SLC44A5: variants seen among roughly 807,000 people sequenced by gnomAD.
The protein encoded by SLC44A5 is choline transporter-like protein 5.
Under a neutral mutation model 101.8 loss-of-function variants are expected in SLC44A5, and 57 were observed. The ratio of observed to expected loss-of-function variants is 0.56; its 90% CI spans 0.45 to 0.70. SLC44A5 has a LOEUF of 0.70. Ranked by LOEUF, SLC44A5 falls within the 30% of genes least tolerant of loss-of-function variation. The pLI, the probability that SLC44A5 is intolerant of heterozygous loss-of-function variation, is 0.00. For synonymous variants in SLC44A5, 281 were observed against 290.9 expected (o/e 0.97, Z 0.35); for missense variants, 737 against 853.1 (o/e 0.86, Z 1.70).
chr1:75,574,202 C>G (rs998252661), intron 1 of SLC44A5, among the ~76,000 whole-genome samples: 1 of 152,160 alleles, frequency 6.6e-6, no homozygotes, highest in African/African-American at 2.4e-5. Flanking sequence ...TAAGCCTTCA[C>G]TCATTTTCTG....
intron 1 of SLC44A5, among the ~76,000 whole-genome samples, chr1:75,562,335 T>C (rs1672563197): frequency 6.6e-6 from 1 of 152,170 alleles, no homozygotes; most frequent in South Asian, 2.1e-4. Context: ...CCAAAAACTA[T>C]ATCACCAGGT....
At chr1:75,425,721 G>T (rs553026065) in intron 2 of SLC44A5, among the ~76,000 whole-genome samples, 1 of 152,304 alleles carries the variant, frequency 6.6e-6, no homozygotes, top group East Asian at 1.9e-4. Flanking sequence ...GAGAGGTCAA[G>T]TTAGGTCCCC....
At chr1:75,645,888 A>T in the SLC44A5 span, among the ~76,000 whole-genome samples, 1 of 135,988 alleles carries the variant, frequency 7.4e-6, no homozygotes, top group Non-Finnish European at 1.6e-5. Context: ...TTAAATAGGG[A>T]ACCCTTTCCC....
In SLC44A5 at chr1:75,424,557, G is replaced by A. The variant is rs545282254; in HGVS notation, c.14-27936C>T. 9.9e-5 allele frequency among the ~76,000 whole-genome samples: 15 copies of A among 152,138 alleles called. No individual in the cohort carries two copies. The East Asian group carries it at 1.4e-3, about 14-fold the overall frequency. On this transcript the variant is annotated intron_variant, in intron 2 of 23. Transcript: ENST00000370859. ...TGACCTCAAGTGATCTGCCCGCCTC[G>A]GCCTCTCTAAAGTAGTTTTAAATAC...
the SLC44A5 span, among the ~76,000 whole-genome samples, chr1:75,673,300 C>T: frequency 2.6e-5 from 4 of 151,242 alleles, no homozygotes; most frequent in South Asian, 2.1e-4. Flanking sequence ...TGCTGTGGGT[C>T]GGGGGTGTGA....
intron 1 of SLC44A5, among the ~76,000 whole-genome samples, chr1:75,551,478 G>T (rs1671933461): frequency 6.6e-6 from 1 of 151,984 alleles, no homozygotes; most frequent in Admixed American, 6.6e-5. Context: ...CTCCCACAGG[G>T]ATTAAAATGT....
the SLC44A5 span, among the ~76,000 whole-genome samples, chr1:75,682,717 A>C: frequency 2.0e-5 from 3 of 150,544 alleles, no homozygotes; most frequent in Non-Finnish European, 3.0e-5. Flanking sequence ...TGTCTAAAAC[A>C]CCAAAAGCAA....
At chr1:75,394,472 T>C (rs1309325700) in intron 3 of SLC44A5, among the ~76,000 whole-genome samples, 3 of 152,064 alleles carry the variant, frequency 2.0e-5, no homozygotes. Context: ...AAGGCATATT[T>C]ACATGTAGGC....
chr1:75,313,970 T>C (rs949182511), intron 4 of SLC44A5, among the ~76,000 whole-genome samples: 6 of 152,188 alleles, frequency 3.9e-5, no homozygotes, highest in Non-Finnish European at 8.8e-5. Context: ...TAAAAGCAGA[T>C]ACATATCCTA....
chr1:75,391,179 C>T (rs1661762290), intron 3 of SLC44A5, among the ~76,000 whole-genome samples: 1 of 151,880 alleles, frequency 6.6e-6, no homozygotes, highest in Non-Finnish European at 1.5e-5. Context: ...CCAAACACTG[C>T]TGAAAGAAAT....
rs186585799 is a variant in SLC44A5 at position 75,474,915 on chromosome 1, G to C, written c.13+66520C>G. On this transcript the variant is annotated intron_variant, in intron 2 of 23. Transcript: ENST00000370859. ...TCAAGTAATTCTGAATTCTTCCAAAGCACAGGTCTACTAAAATGGCCCTAC... is the reference window on the plus strand; with the variant it reads ...TCAAGTAATTCTGAATTCTTCCAAACCACAGGTCTACTAAAATGGCCCTAC... Among the ~76,000 whole-genome samples, 8 of 152,306 alleles carry C rather than the reference G, an allele frequency of 5.3e-5. No individual in the cohort carries two copies. In the East Asian group the frequency reaches 1.4e-3, roughly 26 times the overall value.
intron 2 of SLC44A5, among the ~76,000 whole-genome samples, chr1:75,482,837 T>C (rs1299511800): frequency 2.6e-5 from 4 of 152,178 alleles, no homozygotes; most frequent in Non-Finnish European, 4.4e-5. Context: ...ATATATATCA[T>C]TTTCTTCCTG....
intron 3 of SLC44A5, among the ~76,000 whole-genome samples, chr1:75,359,355 C>T (rs1482663566): frequency 2.1e-4 from 32 of 150,264 alleles, no homozygotes; most frequent in African/African-American, 7.8e-4. Flanking sequence ...CCTCCTCAGT[C>T]TCCCAAGTAG....
the SLC44A5 span, among the ~76,000 whole-genome samples, chr1:75,620,377 T>A: frequency 6.6e-6 from 1 of 152,202 alleles, no homozygotes; most frequent in Non-Finnish European, 1.5e-5. Context: ...CAAATTGGTA[T>A]TTCTGATTCT....
the SLC44A5 span, among the ~76,000 whole-genome samples, chr1:75,689,728 C>G: frequency 6.6e-6 from 1 of 152,156 alleles, no homozygotes; most frequent in South Asian, 2.1e-4. Flanking sequence ...ATAACCCCAC[C>G]ACTCAAACCA....
intron 2 of SLC44A5, among the ~76,000 whole-genome samples, chr1:75,426,850 C>T (rs772008932): frequency 1.3e-5 from 2 of 152,180 alleles, no homozygotes; most frequent in African/African-American, 2.4e-5. Context: ...ATAGCAGCAG[C>T]GGTATGGAGC....
the SLC44A5 span, among the ~76,000 whole-genome samples, chr1:75,711,608 T>C: frequency 1.3e-5 from 2 of 152,126 alleles, no homozygotes; most frequent in African/African-American, 4.8e-5. Flanking sequence ...TTGGGTACAG[T>C]AGTACATCTG....
chr1:75,477,058 TC>T (rs1667462197), intron 2 of SLC44A5, among the ~76,000 whole-genome samples: 2 of 152,014 alleles, frequency 1.3e-5, no homozygotes, highest in African/African-American at 2.4e-5. Flanking sequence ...AGACAAAACT[TC>T]CAGAGAAACG....
the SLC44A5 span, among the ~76,000 whole-genome samples, chr1:75,689,581 G>C: frequency 6.6e-6 from 1 of 152,164 alleles, no homozygotes; most frequent in African/African-American, 2.4e-5. Context: ...ATAACAAGAA[G>C]CTTTATCTTC....
Sources: allele counts gnomAD v4.1 joint callset (sites outside exome capture counted in the v4.1 genomes callset), GRCh38; gene constraint gnomAD v4.1.1; transcripts MANE v1.5; gene names NCBI Gene and HGNC (gene_info 2026-07-23, HGNC 2026-07-21).